Variants in RIPK1 observed in about 807,000 individuals in gnomAD.
The protein encoded by RIPK1 is receptor interacting serine/threonine kinase 1.
In RIPK1, 27 loss-of-function variants were observed where a neutral mutation model predicts 62.4. The ratio of observed to expected loss-of-function variants is 0.43; its 90% CI spans 0.32 to 0.60. The LOEUF is 0.60. Ranked by LOEUF, RIPK1 falls within the 20% of genes least tolerant of loss-of-function variation. The pLI, the probability that RIPK1 is intolerant of heterozygous loss-of-function variation, is 0.07. For missense variants in RIPK1, 735 were observed against 831.0 expected, an observed-to-expected ratio of 0.88 and a Z score of 1.42; for synonymous variants, 287 against 303.2, an observed-to-expected ratio of 0.95 and a Z score of 0.55.
intron 7 of RIPK1, among the ~76,000 whole-genome samples, chr6:3,090,596 AAAAC>A (rs1372019374): frequency 6.6e-6 from 1 of 152,148 alleles, no homozygotes; most frequent in Non-Finnish European, 1.5e-5. Flanking sequence ...AACTCAAAGA[AAAAC>A]AGACAAATCC....
upstream of RIPK1, among the ~76,000 whole-genome samples, chr6:3,064,605 G>C (rs73718953): frequency 0.024 from 3,605 of 152,258 alleles, 158 homozygotes; most frequent in African/African-American, 0.081. Flanking sequence ...GGACCCGCCA[G>C]CAAGATGAGG....
chr6:3,079,163 T>A (rs1759247462), intron 3 of RIPK1, among the ~76,000 whole-genome samples: 1 of 152,050 alleles, frequency 6.6e-6, no homozygotes. Context: ...CACTGCAACC[T>A]CCACCTCCCT....
chr6:3,080,661 C>T (rs1217025091), intron 3 of RIPK1, among the ~76,000 whole-genome samples: 14 of 152,140 alleles, frequency 9.2e-5, no homozygotes, highest in Non-Finnish European at 2.1e-4. Context: ...CAGGTACAAT[C>T]CTAGGTTCTA....
At chr6:3,087,568 T>C (rs1196444532) in intron 6 of RIPK1, among the ~76,000 whole-genome samples, 1 of 152,016 alleles carries the variant, frequency 6.6e-6, no homozygotes, top group Non-Finnish European at 1.5e-5. Context: ...GCTTTTTTTT[T>C]TTTTTGACAC....
rs1189423113 is a variant in RIPK1 at position 3,105,894 on chromosome 6, C to T, written c.1419C>T (p.Gly473=). The change falls in exon 9 of 11, where the codon GGC becomes GGT. Residue 473 remains glycine, a synonymous_variant. Transcript: ENST00000259808. The surrounding 1 kb of genome is among the most constrained non-coding windows in gnomAD (Gnocchi z 4.5). ...ACAATGGATTATATAGCTCACATGG[C>T]TTTGGAACAAGACCACTGGATCCAG... ...YQNNGLYSSH[G]FGTRPLDPGT... 1.2e-6 allele frequency: 2 copies of T among 1,614,178 alleles called. No homozygotes were observed. Among genetic ancestry groups the T allele is most frequent in the East Asian group, 2.2e-5 (1 of 44,890 alleles).
intron 9 of RIPK1, among the ~76,000 whole-genome samples, chr6:3,107,624 C>T (rs1454573493): frequency 6.6e-6 from 1 of 151,764 alleles, no homozygotes; most frequent in Middle Eastern, 3.2e-3. Context: ...GTGCAGTTCT[C>T]CAGGCACTGG....
intron 10 of RIPK1, among the ~76,000 whole-genome samples, chr6:3,112,729 G>C (rs1030419385): frequency 3.9e-5 from 6 of 152,100 alleles, no homozygotes; most frequent in Admixed American, 1.3e-4. Flanking sequence ...GTAGAGACAG[G>C]TTCTTGCTGT....
At chr6:3,076,027 T>A (rs946808634) in intron 1 of RIPK1, among the ~76,000 whole-genome samples, 1 of 152,128 alleles carries the variant, frequency 6.6e-6, no homozygotes, top group Non-Finnish European at 1.5e-5. Context: ...CTTTAAACCT[T>A]GACTTCTGGA....
In RIPK1 at chr6:3,101,321, G is replaced by A. The variant is rs17513478; in HGVS notation, c.916-2904G>A. Among the ~76,000 whole-genome samples, 803 of 152,292 alleles carry A rather than the reference G, an allele frequency of 5.3e-3. 7 individuals are homozygous for A. The highest frequency in any genetic ancestry group is 0.019 in the African/African-American group (786 of 41,560). Reference sequence around the variant, plus strand: ...CAATAAACATACAGCTGGGTGAGGTGGCTCATGCCTGTAATCCCAGCTCTT... The same window carrying A: ...CAATAAACATACAGCTGGGTGAGGTAGCTCATGCCTGTAATCCCAGCTCTT... On this transcript the variant is annotated intron_variant, in intron 7 of 10. Transcript: ENST00000259808.
chr6:3,102,051 CTGGCATATTTCACT>C (rs1173622056), intron 7 of RIPK1, among the ~76,000 whole-genome samples: 16 of 152,194 alleles, frequency 1.1e-4, no homozygotes, highest in Admixed American at 2.6e-4. Context: ...CCTTTGGAGT[CTGGCATATTTCACT>C]TAGCATAATG....
rs1760807605 is a variant in RIPK1, at chr6:3,105,609, C to G, written c.1134C>G (p.Leu378=). The G allele has an allele frequency of 6.2e-7, 1 of 1,613,964 alleles. No homozygotes were observed. Among genetic ancestry groups the G allele is most frequent in the African/African-American group, 1.3e-5 (1 of 74,886 alleles). The change falls in exon 9 of 11, where the codon CTC becomes CTG. Residue 378 remains leucine, a synonymous_variant. Coordinates refer to ENST00000259808, the MANE Select transcript of RIPK1 (RefSeq NM_001354930.2). This position sits in a 1 kb window ranked among gnomAD's most constrained non-coding sequence, Gnocchi z 4.5. ...EENEPSLQSK[L]QDEANYHLYG... ...ATGAGCCCAGCCTGCAGAGTAAACT[C>G]CAAGACGAAGCCAACTACCATCTTT...
intron 5 of RIPK1, among the ~76,000 whole-genome samples, chr6:3,084,444 T>C (rs1245895476): frequency 1.4e-5 from 2 of 140,864 alleles, no homozygotes; most frequent in Non-Finnish European, 3.1e-5. Context: ...CTGTAACTTC[T>C]AGTCTGTTGA....
chr6:3,066,574 C>A (rs1381546330), upstream of RIPK1, among the ~76,000 whole-genome samples: 1 of 152,108 alleles, frequency 6.6e-6, no homozygotes, highest in Non-Finnish European at 1.5e-5. Flanking sequence ...TGTTTTAGAG[C>A]TGTTTTGGTT....
At chr6:3,104,954 C>T (rs984500122) in intron 8 of RIPK1, among the ~76,000 whole-genome samples, 2 of 151,994 alleles carry the variant, frequency 1.3e-5, no homozygotes, top group African/African-American at 4.8e-5. Context: ...CAGGTTCAAG[C>T]GATTCTTCTG....
intron 7 of RIPK1, among the ~76,000 whole-genome samples, chr6:3,097,921 C>T (rs552661525): frequency 5.3e-5 from 8 of 152,204 alleles, no homozygotes; most frequent in African/African-American, 1.9e-4. Context: ...GGAGGCAGGG[C>T]ATGGTGGCTC....
chr6:3,066,598 A>C (rs928939664), upstream of RIPK1, among the ~76,000 whole-genome samples: 1 of 152,210 alleles, frequency 6.6e-6, no homozygotes, highest in Admixed American at 6.5e-5. Context: ...AGCAAAACTA[A>C]GCAGAAAGAA....
rs202096237 is a variant in RIPK1, at chr6:3,076,778, G to C, written c.-46G>C. On this transcript the variant is annotated 5_prime_UTR_variant, in exon 2 of 11. Coordinates refer to ENST00000259808, the MANE Select transcript of RIPK1 (RefSeq NM_001354930.2). ...TTTCTTTACAGGGTACAGCTCTGCC[G>C]GGGGGGGAAAAAGTGGTACCATTTT... The C allele has an allele frequency of 4.2e-3, 6,262 of 1,501,290 alleles. 18 individuals carry two copies. The highest frequency in any genetic ancestry group is 9.2e-3 in the Middle Eastern group (45 of 4,910). The allele number at this position is 1,501,290 out of a possible 1,614,324, so 93.0% of individuals were successfully genotyped here. A position where few individuals can be genotyped will look rare whatever the true frequency, so the allele number is the denominator to read the frequency against.
chr6:3,086,547 A>G (rs1759699540), intron 6 of RIPK1, among the ~76,000 whole-genome samples: 4 of 152,232 alleles, frequency 2.6e-5, no homozygotes, highest in Middle Eastern at 3.2e-3. Context: ...AAAGACTCAC[A>G]TAACTCAAGA....
intron 7 of RIPK1, among the ~76,000 whole-genome samples, chr6:3,102,333 T>A (rs1039520808): frequency 4.6e-5 from 7 of 152,178 alleles, no homozygotes; most frequent in African/African-American, 1.4e-4. Flanking sequence ...AAATATGGTA[T>A]AAAGTGACCT....
Sources: gnomAD v4.1 joint callset for allele counts (sites outside exome capture counted in the v4.1 genomes callset) on GRCh38, gnomAD v4.1.1 for gene constraint, Gnocchi (gnomAD v3.1) non-coding constraint, MANE v1.5 for transcripts, NCBI Gene and HGNC (gene_info 2026-07-23, HGNC 2026-07-21) for gene names.